Variants in ASIC2 observed in about 807,000 individuals in gnomAD.
ASIC2 encodes the protein acid-sensing ion channel 2.
ASIC2 carries 25 observed loss-of-function variants against 57.3 expected under a neutral mutation model. The observed-to-expected ratio is 0.44, with a 90% CI of 0.32 to 0.61. ASIC2 has a LOEUF of 0.61. Ranked by LOEUF, ASIC2 falls within the 20% of genes least tolerant of loss-of-function variation. The pLI, the probability that ASIC2 is intolerant of heterozygous loss-of-function variation, is 0.06. For missense variants in ASIC2, 641 were observed against 738.1 expected (o/e 0.87, Z 1.52); for synonymous variants, 319 against 307.5 (o/e 1.04, Z -0.39).
intron 1 of ASIC2, among the ~76,000 whole-genome samples, chr17:33,740,354 C>T (rs112986467): frequency 0.094 from 14,312 of 152,206 alleles, 680 homozygotes; most frequent in African/African-American, 0.1. Context: ...TGGGAGGCCT[C>T]GGGAAACTTA....
chr17:33,943,517 C>G (rs1204644216), intron 1 of ASIC2, among the ~76,000 whole-genome samples: 1 of 152,146 alleles, frequency 6.6e-6, no homozygotes, highest in African/African-American at 2.4e-5. Flanking sequence ...GTGCAAGTAC[C>G]TCTGTCCCAA....
intron 1 of ASIC2, among the ~76,000 whole-genome samples, chr17:33,884,121 T>G (rs777291367): frequency 3.1e-4 from 47 of 152,318 alleles, no homozygotes; most frequent in South Asian, 4.2e-4. Flanking sequence ...GCGCTGGGTG[T>G]CAGGAGGCTG....
At chr17:33,906,709 T>C (rs193251384) in intron 1 of ASIC2, among the ~76,000 whole-genome samples, 12 of 152,348 alleles carry the variant, frequency 7.9e-5, no homozygotes, top group African/African-American at 2.9e-4. Flanking sequence ...GCAAGTATCT[T>C]ATAGGACTCT....
Position 33,013,938 on chromosome 17 carries a change from A to T in ASIC2, c.*27T>A. 6.6e-7 allele frequency: 1 copy of T among 1,526,598 alleles called. No homozygotes were observed. Among genetic ancestry groups the T allele is most frequent in the Non-Finnish European group, 8.9e-7 (1 of 1,120,304 alleles). 94.6% of individuals were successfully genotyped at this position (1,526,598 alleles called of 1,614,324 possible). On this transcript the variant is annotated 3_prime_UTR_variant, in exon 10 of 10. Coordinates refer to ENST00000225823, the MANE Select transcript of ASIC2 (RefSeq NM_183377.2). ...GTCTTGGGCCTCAAGGTCTGTTTGG[A>T]GGGAGTGCTGGGTGACTCGAGGGGT...
chr17:33,898,972 G>T (rs317353), intron 1 of ASIC2, among the ~76,000 whole-genome samples: 136,017 of 152,150 alleles, frequency 0.89, 61,027 homozygotes, highest in African/African-American at 0.97. Flanking sequence ...TCCAATGGCT[G>T]TTGCCCGCTT....
intron 1 of ASIC2, among the ~76,000 whole-genome samples, chr17:34,132,140 CAG>C (rs1911993993): frequency 6.6e-6 from 1 of 152,144 alleles, no homozygotes. Context: ...TGCCACTTAC[CAG>C]AGTATGGCTT....
At chr17:33,086,604 A>C (rs1267820444) in intron 3 of ASIC2, among the ~76,000 whole-genome samples, 1 of 152,144 alleles carries the variant, frequency 6.6e-6, no homozygotes, top group East Asian at 1.9e-4. Context: ...TTCTCTTCTA[A>C]GCCTCACCCT....
intron 1 of ASIC2, among the ~76,000 whole-genome samples, chr17:34,088,423 C>T (rs887861111): frequency 4.6e-5 from 7 of 152,174 alleles, no homozygotes; most frequent in East Asian, 1.9e-4. Context: ...GAGGAGTACC[C>T]GGCCGTGTGA....
intron 1 of ASIC2, among the ~76,000 whole-genome samples, chr17:33,434,023 A>G (rs1036069633): frequency 6.6e-6 from 1 of 152,034 alleles, no homozygotes; most frequent in Admixed American, 6.6e-5. Flanking sequence ...TAAGCCGGAC[A>G]GGGTGGTAAG....
intron 1 of ASIC2, among the ~76,000 whole-genome samples, chr17:34,084,516 G>A (rs1304075625): frequency 6.6e-6 from 1 of 152,248 alleles, no homozygotes; most frequent in African/African-American, 2.4e-5. Flanking sequence ...GATTGACTTG[G>A]TGGTGTGGGC....
intron 1 of ASIC2, among the ~76,000 whole-genome samples, chr17:33,122,699 GC>G (rs1192963334): frequency 6.6e-6 from 1 of 151,954 alleles, no homozygotes; most frequent in East Asian, 1.9e-4. Context: ...CCCTCTTTTA[GC>G]AAGTTTGAAA....
intron 1 of ASIC2, among the ~76,000 whole-genome samples, chr17:33,220,936 G>T (rs765429364): frequency 1.3e-5 from 2 of 152,106 alleles, no homozygotes; most frequent in African/African-American, 4.8e-5. Flanking sequence ...GCTGGATGTG[G>T]TGGTGCACGC....
chr17:33,291,842 C>T lies in ASIC2; in HGVS notation c.274G>A (p.Ala92Thr). 7.5e-6 allele frequency: 12 copies of T among 1,609,290 alleles called. No homozygotes were observed. The highest frequency in any genetic ancestry group is 1.0e-5 in the Non-Finnish European group (12 of 1,179,354). Residue 92 changes from alanine (A) to threonine (T), a missense_variant, in exon 1 of 10, where the codon GCC becomes ACC. Around this residue, in one of 3 missense-constraint regions of ASIC2, gnomAD observed 382 missense variants for 398.0 expected, o/e 0.96. Transcript: ENST00000225823. Reference sequence around the variant, plus strand: ...AGCAAGCCGAAGGATGTACAGAAGGCCAGCACCCACAGCGCCCGCCGCTGG... The same window carrying T: ...AGCAAGCCGAAGGATGTACAGAAGGTCAGCACCCACAGCGCCCGCCGCTGG... ...SFQRRALWVL[A>T]FCTSFGLLLS...
chr17:33,605,152 G>T (rs1434903624), intron 1 of ASIC2, among the ~76,000 whole-genome samples: 3 of 152,186 alleles, frequency 2.0e-5, no homozygotes, highest in African/African-American at 7.2e-5. Context: ...AACTTGCACA[G>T]ATCTAATCCA....
chr17:33,217,295 C>T (rs987567059), intron 1 of ASIC2, among the ~76,000 whole-genome samples: 3 of 152,144 alleles, frequency 2.0e-5, no homozygotes, highest in Admixed American at 6.5e-5. Flanking sequence ...GGGAAGCTCT[C>T]AGGGATGTAA....
At chr17:33,213,092 A>G (rs1344275918) in intron 1 of ASIC2, among the ~76,000 whole-genome samples, 1 of 152,206 alleles carries the variant, frequency 6.6e-6, no homozygotes. Flanking sequence ...CTCTGTGCAG[A>G]TTATTTTCAT....
intron 1 of ASIC2, among the ~76,000 whole-genome samples, chr17:33,709,112 C>T (rs964951879): frequency 6.6e-6 from 1 of 152,196 alleles, no homozygotes; most frequent in Non-Finnish European, 1.5e-5. Context: ...TTCTGGGTCT[C>T]CATGGAATCC....
At chr17:33,504,210 G>C (rs1914181417) in intron 1 of ASIC2, among the ~76,000 whole-genome samples, 1 of 152,166 alleles carries the variant, frequency 6.6e-6, no homozygotes, top group Admixed American at 6.5e-5. Context: ...TCTCTCCTGG[G>C]CATACTTGTA....
chr17:33,390,343 C>G (rs1176082182), intron 1 of ASIC2, among the ~76,000 whole-genome samples: 1 of 152,190 alleles, frequency 6.6e-6, no homozygotes, highest in South Asian at 2.1e-4. Context: ...GCCCCTTTCC[C>G]TCTTCTCTTT....
Sources: allele counts gnomAD v4.1 joint callset (sites outside exome capture counted in the v4.1 genomes callset), GRCh38; gene constraint gnomAD v4.1.1; regional missense constraint gnomAD v4.1.1; transcripts MANE v1.5; gene names NCBI Gene and HGNC (gene_info 2026-07-23, HGNC 2026-07-21).